OPCML: variants seen among roughly 807,000 people sequenced by gnomAD.
OPCML encodes opioid-binding protein/cell adhesion molecule.
OPCML carries 13 observed loss-of-function variants against 37.8 expected under a neutral mutation model. The observed-to-expected ratio is 0.34, with a 90% confidence interval of 0.22 to 0.55. OPCML has a LOEUF of 0.55. OPCML is among the 20% of genes least tolerant of loss of function. OPCML has a pLI of 0.91. For synonymous variants in OPCML, 176 were observed against 168.8 expected (o/e 1.04, Z -0.33); for missense variants, 341 against 435.6 (o/e 0.78, Z 1.93).
intron 1 of OPCML, among the ~76,000 whole-genome samples, chr11:132,974,698 A>G (rs992858371): frequency 6.6e-6 from 1 of 152,176 alleles, no homozygotes; most frequent in Non-Finnish European, 1.5e-5. Context: ...GCACATGCAC[A>G]TGTATGTTTA....
chr11:133,351,011 T>G (rs1199087470), intron 1 of OPCML, among the ~76,000 whole-genome samples: 1 of 152,150 alleles, frequency 6.6e-6, no homozygotes, highest in Non-Finnish European at 1.5e-5. Flanking sequence ...TGTCTCTATC[T>G]CCATAAAATT....
At chr11:133,087,053 GC>G (rs1948828265) in intron 1 of OPCML, among the ~76,000 whole-genome samples, 1 of 152,198 alleles carries the variant, frequency 6.6e-6, no homozygotes, top group Non-Finnish European at 1.5e-5. Flanking sequence ...ACTGAGAGGA[GC>G]ATTTGAGATC....
Position 133,385,306 on chromosome 11 carries a change from G to A in OPCML, c.61+146958C>T, listed in dbSNP as rs75623768. Among the ~76,000 whole-genome samples the A allele has an allele frequency of 3.1e-3, 476 of 152,286 alleles. 3 individuals are homozygous for A. The highest frequency in any genetic ancestry group is 5.0e-3 in the Non-Finnish European group (338 of 68,020). ...AGACTCTGACCCGAAAACACTCAGC[G>A]AAGACCCTCTCAGATTCCCGACCCA... On this transcript the variant is annotated intron_variant, in intron 1 of 7. Coordinates refer to ENST00000524381, the MANE Select transcript of OPCML (RefSeq NM_001012393.5).
At chr11:132,501,941 GA>G (rs1364028274) in intron 4 of OPCML, among the ~76,000 whole-genome samples, 1 of 152,122 alleles carries the variant, frequency 6.6e-6, no homozygotes, top group African/African-American at 2.4e-5. Context: ...GTTTCTGTGC[GA>G]ACTATAAGGA....
chr11:133,072,277 A>C (rs1591974754), intron 1 of OPCML, among the ~76,000 whole-genome samples: 1 of 152,258 alleles, frequency 6.6e-6, no homozygotes, highest in East Asian at 1.9e-4. Context: ...CATGTGAATT[A>C]TATCTCAATT....
intron 2 of OPCML, among the ~76,000 whole-genome samples, chr11:132,864,866 G>C (rs373401922): frequency 6.6e-6 from 1 of 152,310 alleles, no homozygotes; most frequent in East Asian, 1.9e-4. Flanking sequence ...TTTAATGGGC[G>C]ATTACTCAGC....
intron 4 of OPCML, 80 bp from the exon 5 acceptor site, chr11:132,437,439 T>G: frequency 1.2e-5 from 19 of 1,556,414 alleles, no homozygotes; most frequent in Non-Finnish European, 1.6e-5. Flanking sequence ...CTAGAGATTG[T>G]AGGAGGAGGA....
In OPCML at chr11:133,208,080, A is replaced by ATTT. The variant is rs561864700; in HGVS notation, c.62-265073_62-265071dup. 1.3e-5 allele frequency among the ~76,000 whole-genome samples: 2 copies of ATTT among 152,044 alleles called. No homozygotes were observed. The highest frequency in any genetic ancestry group is 4.8e-5 in the African/African-American group (2 of 41,388). On this transcript the variant is annotated intron_variant, in intron 1 of 7. Transcript: ENST00000524381. The surrounding 1 kb of genome is among the most constrained non-coding windows in gnomAD (Gnocchi z 8.9). ...CCTTACTCTGAGCTCCCATAGCATT[A>ATTT]TTTTTTTCTCTCTTCAGAGCATCTA...
chr11:133,262,670 G>A (rs1941530202), intron 1 of OPCML, among the ~76,000 whole-genome samples: 1 of 152,174 alleles, frequency 6.6e-6, no homozygotes, highest in African/African-American at 2.4e-5. Context: ...GCCCTCTCGT[G>A]TGGCTTCCTA....
At chr11:133,396,760 CTT>C (rs1299388362) in intron 1 of OPCML, among the ~76,000 whole-genome samples, 1 of 152,170 alleles carries the variant, frequency 6.6e-6, no homozygotes, top group African/African-American at 2.4e-5. Flanking sequence ...ACCATTTTCT[CTT>C]CTTTGTATCT....
intron 1 of OPCML, among the ~76,000 whole-genome samples, chr11:133,089,428 A>G (rs1184537323): frequency 6.6e-6 from 1 of 152,192 alleles, no homozygotes; most frequent in African/African-American, 2.4e-5. Flanking sequence ...ATTAATTGTA[A>G]ACCACTTTAG....
In OPCML at chr11:133,055,613, C is replaced by T. The variant is rs545453406; in HGVS notation, c.62-112603G>A. On this transcript the variant is annotated intron_variant, in intron 1 of 7. Transcript: ENST00000524381. ...GAGCCGCCTCTACCGTACAATGCTG[C>T]CTCCATGATACTTCCAAGTGGTGAG... 4.3e-4 allele frequency among the ~76,000 whole-genome samples: 65 copies of T among 150,816 alleles called. 1 individual carries two copies. Among genetic ancestry groups the T allele is most frequent in the African/African-American group, 1.6e-3 (65 of 40,664 alleles).
intron 1 of OPCML, among the ~76,000 whole-genome samples, chr11:133,069,025 G>A (rs1268661404): frequency 1.3e-5 from 2 of 152,196 alleles, no homozygotes; most frequent in Non-Finnish European, 2.9e-5. Context: ...AGATGGATCA[G>A]ATCTAACATC....
chr11:132,788,979 T>C (rs1416404039), intron 2 of OPCML, among the ~76,000 whole-genome samples: 13 of 152,208 alleles, frequency 8.5e-5, no homozygotes, highest in Non-Finnish European at 1.6e-4. Flanking sequence ...TCCTCTCTAG[T>C]ATCAGCTTCA....
intron 1 of OPCML, among the ~76,000 whole-genome samples, chr11:132,983,288 A>G (rs988891281): frequency 6.6e-6 from 1 of 152,264 alleles, no homozygotes; most frequent in African/African-American, 2.4e-5. Context: ...CCAGCACCCA[A>G]GTGCAATGCT....
At chr11:133,276,330 G>A (rs1433548066) in intron 1 of OPCML, among the ~76,000 whole-genome samples, 6 of 152,134 alleles carry the variant, frequency 3.9e-5, no homozygotes, top group South Asian at 2.1e-4. Flanking sequence ...AGAGCTGGAC[G>A]AGCCAAGAGC....
At chr11:133,245,719 A>T (rs1453251757) in intron 1 of OPCML, among the ~76,000 whole-genome samples, 4 of 152,160 alleles carry the variant, frequency 2.6e-5, no homozygotes, top group Admixed American at 6.5e-5. Context: ...AACCAACCCA[A>T]ATGCCCATTA....
chr11:133,120,877 GTCAC>G (rs746737098), intron 1 of OPCML, among the ~76,000 whole-genome samples: 137 of 152,138 alleles, frequency 9.0e-4, no homozygotes, highest in Non-Finnish European at 1.9e-3. Context: ...AGTTCTGATA[GTCAC>G]CCACAATTCT....
intron 2 of OPCML, among the ~76,000 whole-genome samples, chr11:132,749,748 G>A (rs1022903520): frequency 2.6e-5 from 4 of 152,166 alleles, no homozygotes; most frequent in South Asian, 2.1e-4. Flanking sequence ...AGAATTCAGC[G>A]AAATAAAAAT....
Sources: gnomAD v4.1 joint callset for allele counts (sites outside exome capture counted in the v4.1 genomes callset) on GRCh38, gnomAD v4.1.1 for gene constraint, Gnocchi (gnomAD v3.1) non-coding constraint, MANE v1.5 for transcripts, NCBI Gene and HGNC (gene_info 2026-07-23, HGNC 2026-07-21) for gene names.